TNPO1: variants seen among roughly 807,000 people sequenced by gnomAD.
TNPO1 encodes transportin-1.
In TNPO1, 8 loss-of-function variants were observed where a neutral mutation model predicts 119.5. That is an observed-to-expected ratio of 0.07 (90% CI 0.04 to 0.12). The LOEUF is 0.12. Among genes scored for constraint, TNPO1 ranks in the 10% least tolerant of loss-of-function variants. The pLI is 1.00. For synonymous variants in TNPO1, 362 were observed against 363.0 expected, an observed-to-expected ratio of 1.00 and a Z score of 0.03; for missense variants, 576 against 1,089.8, an observed-to-expected ratio of 0.53 and a Z score of 6.64.
intron 4 of TNPO1, among the ~76,000 whole-genome samples, chr5:72,859,435 T>G (rs1746260952): frequency 1.3e-5 from 2 of 152,332 alleles, no homozygotes; most frequent in South Asian, 4.1e-4. Context: ...ATGTGTTATT[T>G]TTGTATTTCT....
chr5:72,833,029 C>T (rs1437946177), intron 1 of TNPO1, among the ~76,000 whole-genome samples: 4 of 152,072 alleles, frequency 2.6e-5, no homozygotes, highest in Non-Finnish European at 5.9e-5. Flanking sequence ...TTGTACCAAC[C>T]CTGCAATTCC....
chr5:72,874,368 A>G (rs1747617636), intron 7 of TNPO1, among the ~76,000 whole-genome samples: 1 of 152,208 alleles, frequency 6.6e-6, no homozygotes, highest in African/African-American at 2.4e-5. Context: ...GTACATGGCT[A>G]TAATGTATAA....
intron 12 of TNPO1, 70 bp from the exon 13 acceptor site, chr5:72,888,008 T>C: frequency 2.1e-6 from 3 of 1,447,298 alleles, no homozygotes; most frequent in Non-Finnish European, 2.9e-6. Context: ...GATACGTGTT[T>C]TATTTTCATA....
chr5:72,865,550 G>A lies in TNPO1; in HGVS notation c.463-46G>A, dbSNP rs377529810. ...GCATTCTTCAGTTTGTTTTCAAATG[G>A]CTTCATTTTTAACAAATTCTGATAA... On this transcript the variant is annotated intron_variant, in intron 5 of 24. Transcript: ENST00000337273. 2.4e-5 allele frequency: 39 copies of A among 1,599,784 alleles called. No homozygotes were observed. The African/African-American group carries it at 4.7e-4, about 19-fold the overall frequency.
intron 5 of TNPO1, among the ~76,000 whole-genome samples, chr5:72,864,458 CAA>C (rs1364848788): frequency 6.6e-6 from 1 of 152,120 alleles, no homozygotes; most frequent in Non-Finnish European, 1.5e-5. Context: ...ATGTTATGTA[CAA>C]AGTCTCTGGA....
intron 1 of TNPO1, among the ~76,000 whole-genome samples, chr5:72,840,835 C>T (rs1744880041): frequency 6.6e-6 from 1 of 152,172 alleles, no homozygotes; most frequent in South Asian, 2.1e-4. Flanking sequence ...TTTCTGTGTT[C>T]TGTTAATCTC....
chr5:72,906,299 T>C (rs1375520513), intron 24 of TNPO1, among the ~76,000 whole-genome samples: 17 of 125,072 alleles, frequency 1.4e-4, no homozygotes, highest in African/African-American at 4.8e-4. Flanking sequence ...TTTTTTTTTT[T>C]TTTTTTTTTT....
intron 10 of TNPO1, among the ~76,000 whole-genome samples, chr5:72,882,838 T>C (rs566585641): frequency 1.3e-4 from 20 of 152,292 alleles, no homozygotes; most frequent in Middle Eastern, 3.4e-3. Flanking sequence ...GGAGGCCATG[T>C]AGTTGGCTGA....
chr5:72,906,275 CTTTTTTTTTTTTTTTTTTTTTTTTT>C (rs869051297), intron 24 of TNPO1, among the ~76,000 whole-genome samples: 1 of 54,674 alleles, frequency 1.8e-5, no homozygotes, highest in African/African-American at 6.8e-5. Flanking sequence ...TTTTTTTTTT[CTTTTTTTTTTTTTTTTTTTTTTTTT>C]TTTTTTTTTT....
intron 6 of TNPO1, among the ~76,000 whole-genome samples, chr5:72,866,277 T>C (rs186347179): frequency 5.9e-5 from 9 of 152,208 alleles, no homozygotes; most frequent in East Asian, 5.8e-4. Flanking sequence ...CTCCCACTTA[T>C]AAGTGAGAAC....
intron 6 of TNPO1, among the ~76,000 whole-genome samples, chr5:72,868,277 A>G (rs937335195): frequency 2.2e-4 from 33 of 151,826 alleles, no homozygotes; most frequent in African/African-American, 7.0e-4. Flanking sequence ...CTAAAAATAC[A>G]AAAAATTAGC....
At chr5:72,835,317 C>T (rs1744652085) in intron 1 of TNPO1, among the ~76,000 whole-genome samples, 1 of 152,172 alleles carries the variant, frequency 6.6e-6, no homozygotes, top group Admixed American at 6.5e-5. Flanking sequence ...TAGAATATCA[C>T]CTGCCTTTGT....
At chr5:72,903,526 TG>T (rs1282160604) in intron 22 of TNPO1, among the ~76,000 whole-genome samples, 182 bp from the exon 23 acceptor site, 1 of 152,234 alleles carries the variant, frequency 6.6e-6, no homozygotes, top group Non-Finnish European at 1.5e-5. Context: ...TCCTTGACTG[TG>T]GGCTAATAGG....
intron 1 of TNPO1, among the ~76,000 whole-genome samples, chr5:72,822,204 A>G (rs1284594874): frequency 1.3e-5 from 2 of 152,206 alleles, no homozygotes; most frequent in Admixed American, 6.5e-5. Flanking sequence ...TCGATTTAAA[A>G]GGGAAAACAA....
intron 7 of TNPO1, among the ~76,000 whole-genome samples, chr5:72,875,095 G>A (rs893074448): frequency 3.9e-5 from 6 of 152,172 alleles, no homozygotes; most frequent in Non-Finnish European, 8.8e-5. Context: ...ATAGTCTGTT[G>A]TCCATTCAGA....
chr5:72,898,056 T>C (rs1749563673), intron 20 of TNPO1, among the ~76,000 whole-genome samples: 2 of 152,154 alleles, frequency 1.3e-5, no homozygotes, highest in East Asian at 3.8e-4. Context: ...TCTGGCTGTT[T>C]GGCTGTATGG....
In TNPO1 at chr5:72,877,360, C is replaced by CT. The variant is rs770812691; in HGVS notation, c.920+16dup. ...GCATCTTCCTAAGTAAGTGTTCCCTCTTATAAATGCTGCCTTGTTCTTTAA... is the reference window on the plus strand; with the variant it reads ...GCATCTTCCTAAGTAAGTGTTCCCTCTTTATAAATGCTGCCTTGTTCTTTAA... On this transcript the variant is annotated intron_variant, in intron 9 of 24. Transcript: ENST00000337273. 5 of 1,261,918 alleles carry CT rather than the reference C, an allele frequency of 4.0e-6. No homozygotes were observed. The African/African-American group carries it at 4.5e-5, about 11-fold the overall frequency. The allele number at this position is 1,261,918 out of a possible 1,614,324, so 78.2% of individuals were successfully genotyped here.
intron 3 of TNPO1, among the ~76,000 whole-genome samples, 172 bp downstream of exon 3, chr5:72,851,491 C>T (rs530398971): frequency 5.2e-4 from 79 of 152,110 alleles, no homozygotes; most frequent in Non-Finnish European, 6.9e-4. Context: ...AATAAGAATT[C>T]CTTTTTTTTA....
intron 9 of TNPO1, among the ~76,000 whole-genome samples, chr5:72,880,829 A>AAC (rs1376166961): frequency 6.6e-6 from 1 of 151,756 alleles, no homozygotes; most frequent in Non-Finnish European, 1.5e-5. Flanking sequence ...AAAAAAAAAA[A>AAC]AAAAACCTCA....
Sources: gnomAD v4.1 joint callset for allele counts (sites outside exome capture counted in the v4.1 genomes callset) on GRCh38, gnomAD v4.1.1 for gene constraint, MANE v1.5 for transcripts, NCBI Gene and HGNC (gene_info 2026-07-23, HGNC 2026-07-21) for gene names.